The following TENT2 variants were observed in gnomAD, a reference collection of about 807,000 sequenced individuals.
TENT2 encodes poly(A) RNA polymerase GLD2.
Under a neutral mutation model 72.2 loss-of-function variants are expected in TENT2, and 44 were observed. The ratio of observed to expected loss-of-function variants is 0.61; its 90% CI spans 0.48 to 0.78. The LOEUF (loss-of-function observed/expected upper bound fraction) is 0.78. TENT2 is among the 30% of genes least tolerant of loss of function. TENT2 has a pLI of 0.00. For synonymous variants in TENT2, 212 were observed against 192.5 expected, an observed-to-expected ratio of 1.10 and a Z score of -0.84; for missense variants, 541 against 569.6, an observed-to-expected ratio of 0.95 and a Z score of 0.51.
At chr5:79,671,661 G>A (rs941007747) in intron 12 of TENT2, among the ~76,000 whole-genome samples, 3 of 151,906 alleles carry the variant, frequency 2.0e-5, no homozygotes, top group Admixed American at 2.0e-4. Context: ...CACCCATCTC[G>A]GCCTCCAAAA....
intron 13 of TENT2, 126 bp from the exon 14 acceptor site, chr5:79,681,856 A>G: frequency 1.5e-6 from 1 of 645,346 alleles, no homozygotes; most frequent in South Asian, 2.1e-5. Flanking sequence ...TATTAGGCTG[A>G]CCCATCTGAA....
At chr5:79,656,810 A>G (rs1438674140) in intron 10 of TENT2, 148 bp from the exon 11 acceptor site, 3 of 532,348 alleles carry the variant, frequency 5.6e-6, no homozygotes, top group East Asian at 6.3e-5. Flanking sequence ...AAACTTAGGG[A>G]TAAGAATTAA....
intron 4 of TENT2, among the ~76,000 whole-genome samples, chr5:79,626,134 TG>T (rs1398401999): frequency 6.6e-6 from 1 of 151,522 alleles, no homozygotes; most frequent in Non-Finnish European, 1.5e-5. Flanking sequence ...GCCTAGTTTT[TG>T]TATTTTAAAA....
At chr5:79,631,657 G>T (rs118084444) in intron 4 of TENT2, among the ~76,000 whole-genome samples, 2 of 152,306 alleles carry the variant, frequency 1.3e-5, no homozygotes, top group East Asian at 3.9e-4. Context: ...AAAGGGAGGA[G>T]CAAAAGGTGT....
At chr5:79,681,149 G>GTTTTTTTTTTTTTTTTTTTTTTTT (rs1491515558) in intron 13 of TENT2, among the ~76,000 whole-genome samples, 2 of 76,798 alleles carry the variant, frequency 2.6e-5, no homozygotes, top group Non-Finnish European at 2.6e-5. Flanking sequence ...TCTTTTCTTT[G>GTTTTTTTTTTTTTTTTTTTTTTTT]ATTTTTTTTT....
chr5:79,624,865 A>G (rs573941286), intron 4 of TENT2, among the ~76,000 whole-genome samples: 3 of 152,328 alleles, frequency 2.0e-5, no homozygotes, highest in South Asian at 4.1e-4. Flanking sequence ...GCAGCTATAA[A>G]TATCTGTGTA....
In TENT2 at chr5:79,685,347, C is replaced by G; in HGVS notation, c.*74C>G. The G allele has an allele frequency of 9.3e-7, 1 of 1,079,552 alleles. No homozygotes were observed. The highest frequency in any genetic ancestry group is 1.7e-5 in the South Asian group (1 of 59,906). The allele number at this position is 1,079,552 out of a possible 1,614,324, so 66.9% of individuals were successfully genotyped here. ...TTTCATCATAATACATTATGTTTAC[C>G]TCCATCATAGTTGCTTTTTTCATAG... is the stretch of plus-strand genomic sequence containing the variant. On this transcript the variant is annotated 3_prime_UTR_variant, in exon 15 of 15. Transcript: ENST00000453514.
chr5:79,648,507 C>T, intron 8 of TENT2, 110 bp from the exon 9 acceptor site: 3 of 702,796 alleles, frequency 4.3e-6, no homozygotes, highest in Non-Finnish European at 7.2e-6. Flanking sequence ...GCCTTTGGGC[C>T]CATACTATTT....
At chr5:79,675,215 T>C (rs1816295760) in intron 12 of TENT2, among the ~76,000 whole-genome samples, 2 of 152,202 alleles carry the variant, frequency 1.3e-5, no homozygotes, top group South Asian at 4.1e-4. Flanking sequence ...TTTTTGGAAA[T>C]AAACTTGTTT....
chr5:79,623,515 T>C, intron 4 of TENT2, 26 bp downstream of exon 4: 1 of 1,485,662 alleles, frequency 6.7e-7, no homozygotes, highest in South Asian at 1.3e-5. Context: ...ATTTTAGTTT[T>C]GCCTTTTGGG....
At chr5:79,617,002 A>G (rs902521272) in intron 1 of TENT2, among the ~76,000 whole-genome samples, 1 of 152,122 alleles carries the variant, frequency 6.6e-6, no homozygotes, top group African/African-American at 2.4e-5. Context: ...ATTTCTTCCC[A>G]GATTTTTCTT....
intron 11 of TENT2, among the ~76,000 whole-genome samples, chr5:79,664,322 C>T (rs1214485262): frequency 2.0e-5 from 3 of 152,074 alleles, no homozygotes; most frequent in South Asian, 2.1e-4. Context: ...TTTAGCCAGC[C>T]GTGGTGGCTC....
At position 79,679,674 on chromosome 5, in the gene TENT2, GT is replaced by G. The variant is rs760653950; in HGVS notation, c.1300+8del. 6.6e-7 allele frequency: 1 copy of G among 1,519,936 alleles called. No individual in the cohort carries two copies. The highest frequency in any genetic ancestry group is 1.3e-5 in the South Asian group (1 of 74,868). 94.2% of individuals were successfully genotyped at this position (1,519,936 alleles called of 1,614,324 possible). A position where few individuals can be genotyped will look rare whatever the true frequency, so the allele number is the denominator to read the frequency against. On this transcript the variant is annotated splice_donor_5th_base_variant and intron_variant, in intron 13 of 14. Coordinates refer to ENST00000453514, the MANE Select transcript of TENT2 (RefSeq NM_001114394.3). ...AATAAATACATCTGTGTAGAAGGTA[GT>G]TTTCTGTTTACCATCTACGTATCAT...
intron 10 of TENT2, among the ~76,000 whole-genome samples, chr5:79,650,089 C>T (rs545624794): frequency 9.2e-5 from 14 of 152,092 alleles, no homozygotes; most frequent in East Asian, 5.8e-4. Flanking sequence ...AGTAGAAGAC[C>T]GTTTGCCAGG....
At position 79,650,480 on chromosome 5, in the gene TENT2, C is replaced by CAATAAT. The variant is rs1425607718; in HGVS notation, c.1027+1294_1027+1299dup. On this transcript the variant is annotated intron_variant, in intron 10 of 14. Transcript: ENST00000453514. ...GAGCACTATCAACATGTGATATGCT[C>CAATAAT]AATAATAATTATTACAGTGTAGTCA... Among the ~76,000 whole-genome samples, 44 of 151,762 alleles carry CAATAAT rather than the reference C, an allele frequency of 2.9e-4. No individual in the cohort carries two copies. In the South Asian group the frequency reaches 8.7e-3, roughly 30 times the overall value.
chr5:79,682,775 A>G (rs11951259), intron 14 of TENT2, among the ~76,000 whole-genome samples: 30,943 of 151,992 alleles, frequency 0.2, 4,622 homozygotes, highest in African/African-American at 0.42. Flanking sequence ...ATCTTTGTTT[A>G]TATTTAGGAA....
intron 12 of TENT2, among the ~76,000 whole-genome samples, chr5:79,676,676 CTAATA>C (rs1204623268): frequency 6.6e-6 from 1 of 152,200 alleles, no homozygotes; most frequent in South Asian, 2.1e-4. Flanking sequence ...TAACTTGCTT[CTAATA>C]TAATTGGTTG....
chr5:79,672,001 G>A (rs982723480), intron 12 of TENT2, among the ~76,000 whole-genome samples: 1 of 151,864 alleles, frequency 6.6e-6, no homozygotes, highest in Non-Finnish European at 1.5e-5. Context: ...TACTTGGGAG[G>A]CTGAGGCACA....
chr5:79,645,086 A>C, intron 7 of TENT2, 37 bp from the exon 8 acceptor site: 1 of 1,527,486 alleles, frequency 6.5e-7, no homozygotes, highest in Non-Finnish European at 8.8e-7. Flanking sequence ...AATTCTAGAA[A>C]CATTTGCAGC....
Sources: allele counts gnomAD v4.1 joint callset (sites outside exome capture counted in the v4.1 genomes callset), GRCh38; gene constraint gnomAD v4.1.1; transcripts MANE v1.5; gene names NCBI Gene and HGNC (gene_info 2026-07-23, HGNC 2026-07-21).